TACR3: variants seen among roughly 807,000 people sequenced by gnomAD.
TACR3 encodes tachykinin receptor 3.
Under a neutral mutation model 35.0 loss-of-function variants are expected in TACR3, and 34 were observed. The ratio of observed to expected loss-of-function variants is 0.97; its 90% CI spans 0.74 to 1.30. The LOEUF (loss-of-function observed/expected upper bound fraction) is 1.30, where lower values mean the gene tolerates loss of function less well. Ranked by LOEUF, TACR3 falls within the 50% of genes most tolerant of loss-of-function variation. TACR3 has a pLI of 0.00. For synonymous variants in TACR3, 233 were observed against 221.1 expected, an observed-to-expected ratio of 1.05 and a Z score of -0.48; for missense variants, 558 against 591.7, an observed-to-expected ratio of 0.94 and a Z score of 0.59.
chr4:103,595,935 G>A (rs1724004186), intron 3 of TACR3, among the ~76,000 whole-genome samples: 3 of 129,786 alleles, frequency 2.3e-5, no homozygotes, highest in Non-Finnish European at 4.7e-5. Context: ...AGAGTGTGAT[G>A]TTCCCCTTCC....
intron 1 of TACR3, among the ~76,000 whole-genome samples, chr4:103,701,113 C>T (rs1009056023): frequency 6.6e-6 from 1 of 152,082 alleles, no homozygotes; most frequent in Non-Finnish European, 1.5e-5. Flanking sequence ...CAAATTGTCC[C>T]TGTTTGCAGA....
chr4:103,635,550 G>A (rs182005559), intron 3 of TACR3, among the ~76,000 whole-genome samples: 31 of 152,076 alleles, frequency 2.0e-4, no homozygotes, highest in Non-Finnish European at 3.5e-4. Flanking sequence ...CTTGCTTAAC[G>A]TCAATGGTGT....
intron 3 of TACR3, among the ~76,000 whole-genome samples, chr4:103,629,011 T>C (rs1234705875): frequency 6.6e-6 from 1 of 152,062 alleles, no homozygotes. Flanking sequence ...ATGTAATCCA[T>C]CGTATACACA....
chr4:103,687,748 G>C lies in TACR3; in HGVS notation c.549-29345C>G, dbSNP rs1412894932. ...AACCACTCCTCAATGAAATAAAAGAGGATACAAACAAATGGAAGAACATTC... is the reference window on the plus strand; with the variant it reads ...AACCACTCCTCAATGAAATAAAAGACGATACAAACAAATGGAAGAACATTC... On this transcript the variant is annotated intron_variant, in intron 1 of 4. Transcript: ENST00000304883. Among the ~76,000 whole-genome samples the C allele has an allele frequency of 9.9e-5, 15 of 152,050 alleles. 1 individual carries two copies. Among genetic ancestry groups the C allele is most frequent in the Admixed American group, 9.8e-4 (15 of 15,258 alleles).
chr4:103,707,932 A>G (rs1013219379), intron 1 of TACR3, among the ~76,000 whole-genome samples: 5 of 152,208 alleles, frequency 3.3e-5, no homozygotes, highest in African/African-American at 1.2e-4. Context: ...ATCGAGCTGC[A>G]AGGAGGCAGT....
intron 3 of TACR3, among the ~76,000 whole-genome samples, chr4:103,626,222 T>A (rs776077204): frequency 1.3e-5 from 2 of 152,190 alleles, no homozygotes; most frequent in Admixed American, 6.5e-5. Flanking sequence ...CCTAGGTAGA[T>A]CCATGTTGAG....
Position 103,719,214 on chromosome 4 carries a change from G to A in TACR3, c.462C>T (p.Gly154=). ...AGTTCTGGAAGCGGCAGTAGTTGGC[G>A]CCAAAGTACCACTCGCTATGAAGCG... ...IYALHSEWYF[G]ANYCRFQNFF... Residue 154 remains glycine, a synonymous_variant, in exon 1 of 5, where the codon GGC becomes GGT. Transcript: ENST00000304883. 1.2e-6 allele frequency: 2 copies of A among 1,614,154 alleles called. No homozygotes were observed. The highest frequency in any genetic ancestry group is 1.7e-6 in the Non-Finnish European group (2 of 1,180,030).
At chr4:103,682,570 C>A (rs1052235570) in intron 1 of TACR3, among the ~76,000 whole-genome samples, 1 of 152,070 alleles carries the variant, frequency 6.6e-6, no homozygotes, top group Non-Finnish European at 1.5e-5. Context: ...CCTCCCTCGA[C>A]ACATAGGGAT....
At chr4:103,688,784 C>T (rs1167190964) in intron 1 of TACR3, among the ~76,000 whole-genome samples, 1 of 152,038 alleles carries the variant, frequency 6.6e-6, no homozygotes, top group Non-Finnish European at 1.5e-5. Context: ...AATAGGAACA[C>T]TTTTACACTG....
At chr4:103,689,082 G>T (rs1352917625) in intron 1 of TACR3, among the ~76,000 whole-genome samples, 1 of 151,744 alleles carries the variant, frequency 6.6e-6, no homozygotes, top group Admixed American at 6.6e-5. Flanking sequence ...AAAAAATGAT[G>T]AGTTCATGTC....
intron 3 of TACR3, among the ~76,000 whole-genome samples, chr4:103,642,825 C>T (rs1337260938): frequency 6.6e-6 from 1 of 151,710 alleles, no homozygotes; most frequent in African/African-American, 2.4e-5. Flanking sequence ...ATTTGGAATG[C>T]TCCCAACATA....
chr4:103,591,644 T>A lies in TACR3; in HGVS notation c.928A>T (p.Ile310Phe). The change falls in exon 4 of 5, where the codon ATC (isoleucine) becomes TTC (phenylalanine). Residue 310 changes from isoleucine (I) to phenylalanine (F), a missense_variant. Ile to Phe is a conservative substitution (Grantham distance 21). Coordinates refer to ENST00000304883, the MANE Select transcript of TACR3 (RefSeq NM_001059.3). ...MMIIVVMTFAICWLPYHIYFI... is the reference protein window; with the variant it reads ...MMIIVVMTFAFCWLPYHIYFI... The stretch of plus-strand genomic sequence containing the variant: ...TAAATATGATAGGGCAGCCAGCAGA[T>A]AGCAAATGTCATGACAACAATAATC... The A allele has an allele frequency of 6.2e-7, 1 of 1,613,590 alleles. No homozygotes were observed. Among genetic ancestry groups the A allele is most frequent in the Non-Finnish European group, 8.5e-7 (1 of 1,179,768 alleles).
intron 3 of TACR3, among the ~76,000 whole-genome samples, chr4:103,613,481 G>A (rs1449531420): frequency 1.3e-5 from 2 of 150,344 alleles, no homozygotes; most frequent in African/African-American, 5.0e-5. Context: ...TACCACGCCC[G>A]GCTAATTTTT....
intron 3 of TACR3, among the ~76,000 whole-genome samples, chr4:103,625,582 G>A (rs530946448): frequency 6.6e-6 from 1 of 151,700 alleles, no homozygotes; most frequent in African/African-American, 2.4e-5. Flanking sequence ...GGGAGTAGGG[G>A]GTGGGGGGTT....
chr4:103,693,213 A>T (rs1722443375), intron 1 of TACR3, among the ~76,000 whole-genome samples: 1 of 152,132 alleles, frequency 6.6e-6, no homozygotes, highest in East Asian at 1.9e-4. Flanking sequence ...TTTGCATATC[A>T]ATATCCTGAA....
At chr4:103,709,024 C>A (rs1013297939) in intron 1 of TACR3, among the ~76,000 whole-genome samples, 2 of 152,076 alleles carry the variant, frequency 1.3e-5, no homozygotes, top group African/African-American at 2.4e-5. Context: ...CCAAATCTAC[C>A]TCTGATTGGT....
intron 3 of TACR3, among the ~76,000 whole-genome samples, chr4:103,600,228 C>G (rs1444991699): frequency 2.0e-5 from 3 of 152,132 alleles, no homozygotes; most frequent in Non-Finnish European, 2.9e-5. Flanking sequence ...TCTAGATTTT[C>G]TAGTTTATTT....
intron 1 of TACR3, among the ~76,000 whole-genome samples, chr4:103,694,182 A>G (rs1283091412): frequency 6.6e-6 from 1 of 151,974 alleles, no homozygotes; most frequent in African/African-American, 2.4e-5. Flanking sequence ...TTAAAACTCT[A>G]CATCCCTCCC....
At chr4:103,642,881 T>G (rs540632070) in intron 3 of TACR3, among the ~76,000 whole-genome samples, 1 of 151,886 alleles carries the variant, frequency 6.6e-6, no homozygotes, top group Non-Finnish European at 1.5e-5. Flanking sequence ...ATTACCCTAA[T>G]TAGATTACTA....
Sources: allele counts gnomAD v4.1 joint callset (sites outside exome capture counted in the v4.1 genomes callset), GRCh38; gene constraint gnomAD v4.1.1; transcripts MANE v1.5; gene names NCBI Gene and HGNC (gene_info 2026-07-23, HGNC 2026-07-21).